Variants in MARCHF1 observed in about 807,000 individuals in gnomAD.
MARCHF1 encodes E3 ubiquitin-protein ligase MARCHF1.
Under a neutral mutation model 54.2 loss-of-function variants are expected in MARCHF1, and 40 were observed. The observed-to-expected ratio is 0.74, with a 90% CI of 0.57 to 0.96. The LOEUF (loss-of-function observed/expected upper bound fraction) is 0.96, where lower values mean the gene tolerates loss of function less well. Among genes scored for constraint, MARCHF1 ranks in the 40% least tolerant of loss-of-function variants. The pLI, the probability that MARCHF1 is intolerant of heterozygous loss-of-function variation, is 0.00. For synonymous variants in MARCHF1, 236 were observed against 236.3 expected (o/e 1.00, Z 0.01); for missense variants, 586 against 656.5 (o/e 0.89, Z 1.17).
chr4:163,528,810 G>A lies in MARCHF1; in HGVS notation c.1576C>T (p.Gln526Ter), dbSNP rs756101226. Residue 526 changes from glutamine to a stop codon, truncating the protein, a stop_gained, in exon 10 of 10, where the codon CAA (glutamine) becomes TAA (stop). Coordinates refer to ENST00000514618, the MANE Select transcript of MARCHF1 (RefSeq NM_001394959.1). LOFTEE classifies it high-confidence loss of function. ...IKDAVVVPVPQTGANSLPSAE... is the reference protein window; with the variant it reads ...IKDAVVVPVP The stretch of plus-strand genomic sequence containing the variant: ...GATGGCAGTGAATTTGCACCTGTTT[G>A]TGGTACAGGCACTACCACAGCATCT... 1.9e-6 allele frequency: 3 copies of A among 1,613,126 alleles called. No homozygotes were observed. The highest frequency in any genetic ancestry group is 1.3e-5 in the African/African-American group (1 of 74,854).
intron 5 of MARCHF1, among the ~76,000 whole-genome samples, chr4:163,685,836 T>C (rs17044034): frequency 0.013 from 1,977 of 152,344 alleles, 48 homozygotes; most frequent in African/African-American, 0.043. Flanking sequence ...ATTTACACTT[T>C]TGTGTGTGTC....
At chr4:163,709,637 T>C (rs1419117948) in intron 4 of MARCHF1, among the ~76,000 whole-genome samples, 1 of 152,136 alleles carries the variant, frequency 6.6e-6, no homozygotes, top group Non-Finnish European at 1.5e-5. Flanking sequence ...TCCAAGATGA[T>C]ACAGGACCTG....
chr4:163,578,061 C>G (rs28585637), intron 8 of MARCHF1, among the ~76,000 whole-genome samples: 6,356 of 151,864 alleles, frequency 0.042, 367 homozygotes, highest in East Asian at 0.21. Context: ...TCTGCACACT[C>G]TAACTTGATG....
At chr4:163,994,767 AC>A (rs1371631628) in intron 2 of MARCHF1, among the ~76,000 whole-genome samples, 1 of 104,828 alleles carries the variant, frequency 9.5e-6, no homozygotes, top group African/African-American at 3.3e-5. Flanking sequence ...ACACACACAC[AC>A]ACACACACAC....
chr4:164,043,956 C>T (rs1002752654), intron 2 of MARCHF1, among the ~76,000 whole-genome samples: 2 of 152,182 alleles, frequency 1.3e-5, no homozygotes, highest in Admixed American at 1.3e-4. Context: ...CAAGAGTCAC[C>T]TTTACTCCAG....
chr4:163,613,928 T>A (rs1741433949), intron 5 of MARCHF1, among the ~76,000 whole-genome samples: 1 of 152,132 alleles, frequency 6.6e-6, no homozygotes, highest in African/African-American at 2.4e-5. Context: ...ATAAAATATA[T>A]CCCTTGCAAC....
chr4:164,085,552 T>G (rs552551287), intron 2 of MARCHF1, among the ~76,000 whole-genome samples: 1 of 151,900 alleles, frequency 6.6e-6, no homozygotes, highest in South Asian at 2.1e-4. Context: ...CCAAGTCATA[T>G]TATGTTCTCA....
chr4:163,933,449 T>A (rs935445102), intron 3 of MARCHF1, among the ~76,000 whole-genome samples: 1 of 152,212 alleles, frequency 6.6e-6, no homozygotes, highest in African/African-American at 2.4e-5. Flanking sequence ...GTGTAGTTAC[T>A]GCTGTAGAAA....
At chr4:164,265,723 A>AT (rs1382209373) in intron 1 of MARCHF1, among the ~76,000 whole-genome samples, 6 of 151,972 alleles carry the variant, frequency 3.9e-5, no homozygotes, top group African/African-American at 1.5e-4. Flanking sequence ...AGCCACTCTG[A>AT]CATTTTTTAG....
At position 163,814,562 on chromosome 4, in the gene MARCHF1, C is replaced by T. The variant is rs114509560; in HGVS notation, c.111+39459G>A. Among the ~76,000 whole-genome samples the T allele has an allele frequency of 6.2e-3, 936 of 152,092 alleles. 5 individuals are homozygous for T. The highest frequency in any genetic ancestry group is 8.8e-3 in the Non-Finnish European group (595 of 68,000). Reference sequence around the variant, plus strand: ...TCAAGCCATTGCACTCTAGCCTGGGCGACAGAGTAAAACTCCATCTCAAAA... The same window carrying T: ...TCAAGCCATTGCACTCTAGCCTGGGTGACAGAGTAAAACTCCATCTCAAAA... On this transcript the variant is annotated intron_variant, in intron 4 of 9. Coordinates refer to ENST00000514618, the MANE Select transcript of MARCHF1 (RefSeq NM_001394959.1).
At chr4:164,283,369 T>A (rs1734071678) in intron 1 of MARCHF1, among the ~76,000 whole-genome samples, 1 of 150,942 alleles carries the variant, frequency 6.6e-6, no homozygotes, top group Non-Finnish European at 1.5e-5. Flanking sequence ...CCCTACCACA[T>A]TCACAGCATA....
At chr4:163,918,796 A>C (rs1235626925) in intron 3 of MARCHF1, among the ~76,000 whole-genome samples, 1 of 152,120 alleles carries the variant, frequency 6.6e-6, no homozygotes. Context: ...GAGCAAAAAA[A>C]ATGCATTATT....
chr4:163,545,985 ATT>A (rs1178713803), intron 8 of MARCHF1, among the ~76,000 whole-genome samples: 5 of 131,962 alleles, frequency 3.8e-5, no homozygotes, highest in African/African-American at 9.5e-5. Flanking sequence ...GTGTGTGTGT[ATT>A]TTTTTGAGAC....
rs545328995 is a variant in MARCHF1, at chr4:164,000,054, T to C, written c.-247-11345A>G. On this transcript the variant is annotated intron_variant, in intron 2 of 9. Coordinates refer to ENST00000514618, the MANE Select transcript of MARCHF1 (RefSeq NM_001394959.1). ...CTGATTACACTGCCCTTGAAATCCA[T>C]GCTGCAAAGCCAAGCAGGCAATGCA... is the stretch of plus-strand genomic sequence containing the variant. Among the ~76,000 whole-genome samples the C allele has an allele frequency of 5.7e-4, 86 of 151,820 alleles. 2 individuals carry two copies. Among genetic ancestry groups the C allele is most frequent in the African/African-American group, 1.9e-3 (78 of 41,520 alleles).
At chr4:163,583,472 C>T (rs1336629259) in intron 8 of MARCHF1, among the ~76,000 whole-genome samples, 2 of 151,930 alleles carry the variant, frequency 1.3e-5, no homozygotes, top group East Asian at 3.9e-4. Flanking sequence ...AAATGCTGTC[C>T]TTCATCAATG....
chr4:163,726,470 T>G (rs1745655963), intron 4 of MARCHF1, among the ~76,000 whole-genome samples: 1 of 152,352 alleles, frequency 6.6e-6, no homozygotes, highest in Non-Finnish European at 1.5e-5. Flanking sequence ...GTCCTTAATA[T>G]TCCATTGTCT....
At chr4:164,091,353 G>A (rs1755295308) in intron 2 of MARCHF1, among the ~76,000 whole-genome samples, 1 of 147,888 alleles carries the variant, frequency 6.8e-6, no homozygotes, top group Non-Finnish European at 1.5e-5. Context: ...TTTTTATAGT[G>A]AAAAATTACA....
intron 5 of MARCHF1, among the ~76,000 whole-genome samples, chr4:163,616,879 C>A (rs1422043948): frequency 3.3e-5 from 5 of 152,012 alleles, no homozygotes; most frequent in African/African-American, 4.8e-5. Context: ...AATATTACTA[C>A]CATATGATCC....
intron 4 of MARCHF1, among the ~76,000 whole-genome samples, chr4:163,757,285 G>C (rs1434258984): frequency 1.3e-5 from 2 of 152,162 alleles, no homozygotes; most frequent in African/African-American, 4.8e-5. Flanking sequence ...GTCTCCATGT[G>C]AAGAGACTTG....
Sources: gnomAD v4.1 joint callset for allele counts (sites outside exome capture counted in the v4.1 genomes callset) on GRCh38, gnomAD v4.1.1 for gene constraint, MANE v1.5 for transcripts, NCBI Gene and HGNC (gene_info 2026-07-23, HGNC 2026-07-21) for gene names.